ZNF804A: variants seen among roughly 807,000 people sequenced by gnomAD.
ZNF804A encodes the protein zinc finger protein 804A.
Under a neutral mutation model 16.5 loss-of-function variants are expected in ZNF804A, and 2 were observed. The ratio of observed to expected loss-of-function variants is 0.12; its 90% CI spans 0.05 to 0.38. The LOEUF (loss-of-function observed/expected upper bound fraction) is 0.38. Ranked by LOEUF, ZNF804A falls within the 10% of genes least tolerant of loss-of-function variation. The pLI, the probability that ZNF804A is intolerant of heterozygous loss-of-function variation, is 0.99. For missense variants in ZNF804A, 1,473 were observed against 1,390.7 expected, an observed-to-expected ratio of 1.06 and a Z score of -0.94; for synonymous variants, 534 against 489.6, an observed-to-expected ratio of 1.09 and a Z score of -1.20.
At chr2:184,824,000 GTTTC>G (rs761037617) in intron 1 of ZNF804A, among the ~76,000 whole-genome samples, 7 of 151,940 alleles carry the variant, frequency 4.6e-5, no homozygotes, top group Non-Finnish European at 1.0e-4. Flanking sequence ...AATAGTAAAT[GTTTC>G]TTTATTTCCT....
chr2:184,912,979 G>A (rs1685386038), intron 2 of ZNF804A, among the ~76,000 whole-genome samples: 1 of 151,872 alleles, frequency 6.6e-6, no homozygotes, highest in South Asian at 2.1e-4. Context: ...CATGCTTTTG[G>A]TGCTGTATGT....
At chr2:184,926,493 T>G (rs973958810) in intron 2 of ZNF804A, among the ~76,000 whole-genome samples, 6 of 152,118 alleles carry the variant, frequency 3.9e-5, no homozygotes, top group African/African-American at 1.4e-4. Context: ...TTCTTTAGGT[T>G]AAATCTTCAT....
At chr2:184,766,482 T>C (rs1694128863) in intron 1 of ZNF804A, among the ~76,000 whole-genome samples, 2 of 152,156 alleles carry the variant, frequency 1.3e-5, no homozygotes, top group East Asian at 1.9e-4. Flanking sequence ...AAGAGTCTAA[T>C]TGAGGCTTCT....
At chr2:184,772,419 T>C (rs1324649835) in intron 1 of ZNF804A, among the ~76,000 whole-genome samples, 1 of 152,050 alleles carries the variant, frequency 6.6e-6, no homozygotes, top group Non-Finnish European at 1.5e-5. Flanking sequence ...TTCTTTCATT[T>C]AGCATTTTGT....
chr2:184,619,597 T>C (rs1381527576), intron 1 of ZNF804A, among the ~76,000 whole-genome samples: 1 of 152,038 alleles, frequency 6.6e-6, no homozygotes, highest in Non-Finnish European at 1.5e-5. Flanking sequence ...TATTTTTATG[T>C]AAATATGTTT....
In ZNF804A at chr2:184,936,816, G is replaced by T. The variant is rs1253639368; in HGVS notation, c.1420G>T (p.Asp474Tyr). 3.1e-6 allele frequency: 5 copies of T among 1,612,822 alleles called. No homozygotes were observed. The highest frequency in any genetic ancestry group is 2.7e-5 in the African/African-American group (2 of 74,788). ...FKSTKVNNNL[D>Y]KNKPDLKDLC... ...GTCTACTAAAGTAAATAATAATCTA[G>T]ATAAAAATAAGCCAGACTTAAAAGA... Residue 474 changes from aspartate to tyrosine, a missense_variant, in exon 4 of 4, where the codon GAT becomes TAT. Physicochemically the swap from Asp to Tyr is radical, Grantham distance 160 (BLOSUM62 -3). Transcript: ENST00000302277.
intron 1 of ZNF804A, among the ~76,000 whole-genome samples, chr2:184,692,490 G>A (rs934547553): frequency 5.3e-5 from 8 of 152,152 alleles, no homozygotes; most frequent in African/African-American, 1.7e-4. Context: ...AAAATAATAA[G>A]CATTACTCCT....
At chr2:184,648,696 A>G (rs1691926201) in intron 1 of ZNF804A, among the ~76,000 whole-genome samples, 1 of 152,162 alleles carries the variant, frequency 6.6e-6, no homozygotes, top group Non-Finnish European at 1.5e-5. Flanking sequence ...GGTGAAGGGC[A>G]CAACTTATGA....
chr2:184,845,680 C>T (rs1695500781), intron 1 of ZNF804A, among the ~76,000 whole-genome samples: 1 of 152,142 alleles, frequency 6.6e-6, no homozygotes, highest in Admixed American at 6.6e-5. Flanking sequence ...TTAGTTACTA[C>T]TCCCATTCAC....
chr2:184,841,840 G>C (rs1469185018), intron 1 of ZNF804A, among the ~76,000 whole-genome samples: 1 of 152,066 alleles, frequency 6.6e-6, no homozygotes, highest in African/African-American at 2.4e-5. Flanking sequence ...GTCAGGCAGA[G>C]ACAGAGGGTT....
Position 184,629,772 on chromosome 2 carries a change from A to G in ZNF804A, c.111+30702A>G, listed in dbSNP as rs552935170. On this transcript the variant is annotated intron_variant, in intron 1 of 3. Transcript: ENST00000302277. ...ATATTCTGAAGTTACTTGTTGGACTAAATAGAAAATGTCTTTACTAAATGT... is the reference window on the plus strand; with the variant it reads ...ATATTCTGAAGTTACTTGTTGGACTGAATAGAAAATGTCTTTACTAAATGT... Among the ~76,000 whole-genome samples, 8 of 152,282 alleles carry G rather than the reference A, an allele frequency of 5.3e-5. No homozygotes were observed. The South Asian group carries it at 1.0e-3, about 20-fold the overall frequency.
intron 2 of ZNF804A, among the ~76,000 whole-genome samples, chr2:184,926,189 C>G (rs1488994161): frequency 2.0e-5 from 3 of 152,004 alleles, no homozygotes; most frequent in Non-Finnish European, 4.4e-5. Flanking sequence ...GGACAATCTG[C>G]TATTGATGAA....
At chr2:184,680,397 C>T (rs1485535177) in intron 1 of ZNF804A, among the ~76,000 whole-genome samples, 5 of 152,072 alleles carry the variant, frequency 3.3e-5, no homozygotes, top group Non-Finnish European at 7.4e-5. Flanking sequence ...CACTGTGCAT[C>T]TTCTCTCTGC....
At chr2:184,874,903 C>G (rs1696029749) in intron 2 of ZNF804A, among the ~76,000 whole-genome samples, 1 of 152,112 alleles carries the variant, frequency 6.6e-6, no homozygotes, top group Non-Finnish European at 1.5e-5. Flanking sequence ...TTATCTTAAG[C>G]TACATTTGCA....
chr2:184,859,578 C>T (rs1047766279), intron 1 of ZNF804A, among the ~76,000 whole-genome samples: 12 of 152,068 alleles, frequency 7.9e-5, no homozygotes, highest in Non-Finnish European at 1.3e-4. Context: ...GGAATTCTTT[C>T]TCAAGCAGTT....
chr2:184,863,314 T>G (rs145147884), intron 1 of ZNF804A, among the ~76,000 whole-genome samples: 1 of 152,264 alleles, frequency 6.6e-6, no homozygotes, highest in Non-Finnish European at 1.5e-5. Context: ...ATGAAAAGAA[T>G]CAGGATTAAA....
Position 184,695,904 on chromosome 2 carries a change from T to G in ZNF804A, c.111+96834T>G, listed in dbSNP as rs189263764. Among the ~76,000 whole-genome samples the G allele has an allele frequency of 7.6e-3, 1,157 of 152,344 alleles. 9 individuals are homozygous for G. The highest frequency in any genetic ancestry group is 0.012 in the Non-Finnish European group (799 of 68,034). ...TTTTACAAAAATTAGGCTGTACCAT[T>G]TGCTGAACAGAGATGACTTCTATTA... On this transcript the variant is annotated intron_variant, in intron 1 of 3. Coordinates refer to ENST00000302277, the MANE Select transcript of ZNF804A (RefSeq NM_194250.2).
intron 3 of ZNF804A, 99 bp downstream of exon 3, chr2:184,933,832 AC>A: frequency 8.1e-7 from 1 of 1,229,466 alleles, no homozygotes; most frequent in Non-Finnish European, 1.1e-6. Flanking sequence ...TTATTACTGT[AC>A]CCAGAATAAG....
At chr2:184,737,126 G>A (rs1025127542) in intron 1 of ZNF804A, among the ~76,000 whole-genome samples, 7 of 150,738 alleles carry the variant, frequency 4.6e-5, no homozygotes, top group Admixed American at 4.0e-4. Flanking sequence ...GCGCGATCTC[G>A]GCTCACTGCA....
Sources: allele counts gnomAD v4.1 joint callset (sites outside exome capture counted in the v4.1 genomes callset), GRCh38; gene constraint gnomAD v4.1.1; transcripts MANE v1.5; gene names NCBI Gene and HGNC (gene_info 2026-07-23, HGNC 2026-07-21).